The following ANKS1B variants were observed in gnomAD, a reference collection of about 807,000 sequenced individuals.
The protein encoded by ANKS1B is ankyrin repeat and sterile alpha motif domain-containing protein 1B.
ANKS1B carries 36 observed loss-of-function variants against 148.3 expected under a neutral mutation model. That is an observed-to-expected ratio of 0.24 (90% CI 0.19 to 0.32). The LOEUF (loss-of-function observed/expected upper bound fraction) is 0.32. Ranked by LOEUF, ANKS1B falls within the 10% of genes least tolerant of loss-of-function variation. The pLI, the probability that ANKS1B is intolerant of heterozygous loss-of-function variation, is 1.00. For synonymous variants in ANKS1B, 542 were observed against 560.8 expected, an observed-to-expected ratio of 0.97 and a Z score of 0.47; for missense variants, 1,157 against 1,542.6, an observed-to-expected ratio of 0.75 and a Z score of 4.19.
chr12:99,802,957 C>A (rs1345047413), intron 4 of ANKS1B, among the ~76,000 whole-genome samples: 49 of 150,570 alleles, frequency 3.3e-4, no homozygotes, highest in Non-Finnish European at 6.1e-4. Context: ...CATGTAACTA[C>A]TAGGAAAAGA....
chr12:99,195,338 T>C lies in ANKS1B; in HGVS notation c.2420-40943A>G, dbSNP rs181339598. 5.5e-3 allele frequency among the ~76,000 whole-genome samples: 840 copies of C among 152,294 alleles called. 14 individuals carry two copies. The highest frequency in any genetic ancestry group is 0.048 in the South Asian group (232 of 4,830). On this transcript the variant is annotated intron_variant, in intron 14 of 26. Coordinates refer to ENST00000683438, the MANE Select transcript of ANKS1B (RefSeq NM_001352186.2). The stretch of plus-strand genomic sequence containing the variant: ...AAATCTCTTCTGAAAATCTACCTTT[T>C]TGATGATTTTGAGCATGGATTTCTA...
At chr12:99,931,066 A>C (rs1178314823) in intron 1 of ANKS1B, among the ~76,000 whole-genome samples, 2 of 152,170 alleles carry the variant, frequency 1.3e-5, no homozygotes, top group Non-Finnish European at 2.9e-5. Context: ...ACTGGAAACC[A>C]TCATTCTCAG....
chr12:99,723,287 A>G (rs2058283188), intron 8 of ANKS1B, among the ~76,000 whole-genome samples: 1 of 152,154 alleles, frequency 6.6e-6, no homozygotes, highest in Non-Finnish European at 1.5e-5. Context: ...AGCCATCTCT[A>G]TAGCTCCAGG....
chr12:99,661,549 T>A (rs2098477634), intron 8 of ANKS1B, among the ~76,000 whole-genome samples: 1 of 152,090 alleles, frequency 6.6e-6, no homozygotes, highest in Non-Finnish European at 1.5e-5. Context: ...ACTAACACTA[T>A]TCCTCTCCTT....
intron 12 of ANKS1B, 40 bp from the exon 13 acceptor site, chr12:99,246,904 T>A (rs59913707): frequency 6.8e-7 from 1 of 1,471,532 alleles, no homozygotes; most frequent in African/African-American, 1.4e-5. Context: ...TTATAAAGGT[T>A]CTGAAAGCCA....
intron 8 of ANKS1B, among the ~76,000 whole-genome samples, chr12:99,764,626 T>C (rs930164099): frequency 6.6e-6 from 1 of 152,178 alleles, no homozygotes; most frequent in Non-Finnish European, 1.5e-5. Context: ...TTTCACCATG[T>C]TGGCCAGGCT....
At chr12:99,723,793 G>A (rs1230440531) in intron 8 of ANKS1B, among the ~76,000 whole-genome samples, 1 of 152,154 alleles carries the variant, frequency 6.6e-6, no homozygotes, top group African/African-American at 2.4e-5. Context: ...GAAGGAGGAA[G>A]CACCCATCTT....
intron 9 of ANKS1B, among the ~76,000 whole-genome samples, chr12:99,568,283 C>A (rs2097418673): frequency 1.3e-5 from 2 of 152,140 alleles, no homozygotes; most frequent in Admixed American, 6.5e-5. Context: ...AAGCCAGCAG[C>A]ATATCATTTT....
chr12:99,224,226 T>A (rs2085531308), intron 14 of ANKS1B, among the ~76,000 whole-genome samples: 2 of 152,204 alleles, frequency 1.3e-5, no homozygotes, highest in African/African-American at 4.8e-5. Flanking sequence ...TGACCTCTAA[T>A]TTAAAAGTAA....
At chr12:99,835,242 T>C (rs1603244746) in intron 1 of ANKS1B, among the ~76,000 whole-genome samples, 2 of 109,186 alleles carry the variant, frequency 1.8e-5, no homozygotes. Flanking sequence ...TGAAACCCCA[T>C]CTCTACAAAA....
intron 1 of ANKS1B, among the ~76,000 whole-genome samples, chr12:99,929,866 T>C (rs1232224794): frequency 6.6e-6 from 1 of 151,404 alleles, no homozygotes; most frequent in Non-Finnish European, 1.5e-5. Context: ...TATCTCTGTT[T>C]TGGTACCAGT....
rs190692553 is a variant in ANKS1B at position 99,250,847 on chromosome 12, T to C, written c.1757-3983A>G. ...TTGAATGAAATCATAGAATAATAAATGTGTTAGTCCATTTGGGCTGATATA... is the reference window on the plus strand; with the variant it reads ...TTGAATGAAATCATAGAATAATAAACGTGTTAGTCCATTTGGGCTGATATA... On this transcript the variant is annotated intron_variant, in intron 12 of 26. Coordinates refer to ENST00000683438, the MANE Select transcript of ANKS1B (RefSeq NM_001352186.2). 3.9e-3 allele frequency among the ~76,000 whole-genome samples: 600 copies of C among 152,320 alleles called. 3 individuals carry two copies. Among genetic ancestry groups the C allele is most frequent in the Non-Finnish European group, 7.4e-3 (503 of 68,006 alleles).
intron 17 of ANKS1B, among the ~76,000 whole-genome samples, chr12:98,911,964 C>T (rs2099787471): frequency 6.6e-6 from 1 of 152,198 alleles, no homozygotes; most frequent in South Asian, 2.1e-4. Flanking sequence ...CTGCCCTTAG[C>T]ATCTTTCAAT....
intron 17 of ANKS1B, among the ~76,000 whole-genome samples, chr12:98,858,571 C>A (rs1267884007): frequency 6.6e-6 from 1 of 152,158 alleles, no homozygotes; most frequent in African/African-American, 2.4e-5. Context: ...AATTCCTGGG[C>A]TCAAGTGATC....
At chr12:99,020,518 T>C (rs1347092673) in intron 17 of ANKS1B, among the ~76,000 whole-genome samples, 2 of 152,176 alleles carry the variant, frequency 1.3e-5, no homozygotes, top group African/African-American at 4.8e-5. Context: ...ATATGGGACA[T>C]GATGTTTAAA....
chr12:99,100,849 T>C (rs988030621), intron 15 of ANKS1B, among the ~76,000 whole-genome samples: 7 of 152,178 alleles, frequency 4.6e-5, no homozygotes, highest in African/African-American at 1.4e-4. Flanking sequence ...ATTTTTTTGA[T>C]GCAGCACATA....
At chr12:98,842,519 T>G (rs1057253722) in intron 17 of ANKS1B, among the ~76,000 whole-genome samples, 3 of 152,192 alleles carry the variant, frequency 2.0e-5, no homozygotes, top group African/African-American at 7.2e-5. Context: ...GATAGCTGTA[T>G]AGGTTTACTG....
intron 4 of ANKS1B, among the ~76,000 whole-genome samples, chr12:99,794,426 T>C (rs918577588): frequency 6.8e-6 from 1 of 147,216 alleles, no homozygotes; most frequent in Non-Finnish European, 1.5e-5. Context: ...AACCTAAGTG[T>C]CCATCAACAG....
At chr12:99,922,533 A>G (rs1050217000) in intron 1 of ANKS1B, among the ~76,000 whole-genome samples, 2 of 152,154 alleles carry the variant, frequency 1.3e-5, no homozygotes, top group Non-Finnish European at 2.9e-5. Flanking sequence ...ACCATATTCC[A>G]CTAGCATTTA....
Sources: allele counts gnomAD v4.1 joint callset (sites outside exome capture counted in the v4.1 genomes callset), GRCh38; gene constraint gnomAD v4.1.1; transcripts MANE v1.5; gene names NCBI Gene and HGNC (gene_info 2026-07-23, HGNC 2026-07-21).